The following IRAG1 variants were observed in gnomAD, a reference collection of about 807,000 sequenced individuals.
IRAG1 encodes inositol 1,4,5-triphosphate receptor associated 1.
Under a neutral mutation model 106.2 loss-of-function variants are expected in IRAG1, and 62 were observed. The observed-to-expected ratio is 0.58, with a 90% CI of 0.48 to 0.72. The LOEUF (loss-of-function observed/expected upper bound fraction) is 0.72, where lower values mean the gene tolerates loss of function less well. Ranked by LOEUF, IRAG1 falls within the 30% of genes least tolerant of loss-of-function variation. The pLI is 0.00. For synonymous variants in IRAG1, 462 were observed against 443.9 expected (o/e 1.04, Z -0.51); for missense variants, 1,064 against 1,140.7 (o/e 0.93, Z 0.97).
chr11:10,653,999 C>A (rs1486899678), intron 1 of IRAG1, among the ~76,000 whole-genome samples: 3 of 152,126 alleles, frequency 2.0e-5, no homozygotes, highest in African/African-American at 7.2e-5. Flanking sequence ...GCTGATGGGA[C>A]ATGGTGGGTG....
chr11:10,604,415 G>A lies in IRAG1; in HGVS notation c.1733C>T (p.Ala578Val). The A allele has an allele frequency of 1.9e-6, 3 of 1,614,038 alleles. No homozygotes were observed. The highest frequency in any genetic ancestry group is 2.5e-6 in the Non-Finnish European group (3 of 1,179,890). ...NTEKELENFK[A>V]SITSSASLWH... ...AGGCTCCACAATTACCGTAATGGAA[G>A]CTTTGAAGTTTTCCAGTTCTTTCTC... is the stretch of plus-strand genomic sequence containing the variant. Residue 578 changes from alanine (A) to valine (V), a missense_variant, in exon 13 of 21, where the codon GCT (alanine) becomes GTT (valine). Ala to Val is a moderately conservative substitution (Grantham distance 64, BLOSUM62 0). Transcript: ENST00000423302.
chr11:10,677,626 T>G (rs919853359), intron 1 of IRAG1, among the ~76,000 whole-genome samples: 3 of 152,220 alleles, frequency 2.0e-5, no homozygotes, highest in Admixed American at 6.5e-5. Context: ...ATAAAATATG[T>G]GTGACATATG....
intron 2 of IRAG1, among the ~76,000 whole-genome samples, chr11:10,637,988 C>T (rs1857261284): frequency 6.6e-6 from 1 of 152,142 alleles, no homozygotes; most frequent in Non-Finnish European, 1.5e-5. Context: ...TGAAGTCTTT[C>T]CAGAGGAATC....
chr11:10,691,678 T>G (rs554466097), intron 1 of IRAG1, among the ~76,000 whole-genome samples: 1 of 149,942 alleles, frequency 6.7e-6, no homozygotes, highest in South Asian at 2.1e-4. Flanking sequence ...CCTGGAGCAG[T>G]AAGGTAAAGA....
intron 1 of IRAG1, among the ~76,000 whole-genome samples, chr11:10,684,296 T>C (rs1232231657): frequency 6.6e-6 from 1 of 152,314 alleles, no homozygotes; most frequent in African/African-American, 2.4e-5. Flanking sequence ...GATGAGTTCA[T>C]GTCCTTTGTA....
chr11:10,629,614 T>TTC lies in IRAG1; in HGVS notation c.496_497dup (p.Ala167LysfsTer5). The TTC allele has an allele frequency of 3.1e-6, 5 of 1,614,018 alleles. No individual in the cohort carries two copies. Among genetic ancestry groups the TTC allele is most frequent in the Non-Finnish European group, 4.2e-6 (5 of 1,179,888 alleles). On this transcript the variant is annotated frameshift_variant, in exon 5 of 21. Coordinates refer to ENST00000423302, the MANE Select transcript of IRAG1 (RefSeq NM_130385.4). LOFTEE classifies it high-confidence loss of function. ...GGAATCGCTCACTCACCAACTTGGC[T>TTC]TCTTCCAGCAGCGCCAGGTTTTTCT... is the stretch of plus-strand genomic sequence containing the variant.
At chr11:10,610,464 C>A (rs921542462) in intron 10 of IRAG1, among the ~76,000 whole-genome samples, 1 of 152,168 alleles carries the variant, frequency 6.6e-6, no homozygotes. Flanking sequence ...TGGGTCTGTG[C>A]TTTGAAGACA....
intron 15 of IRAG1, among the ~76,000 whole-genome samples, chr11:10,596,214 G>A (rs1327820556): frequency 1.3e-5 from 2 of 152,088 alleles, no homozygotes. Context: ...TCCTCTAGTT[G>A]TTCTTTCAGC....
chr11:10,638,807 A>C (rs1182244315), intron 2 of IRAG1, among the ~76,000 whole-genome samples: 2 of 152,168 alleles, frequency 1.3e-5, no homozygotes, highest in Non-Finnish European at 2.9e-5. Flanking sequence ...AGCTAATTCC[A>C]TGTTGTATTC....
intron 2 of IRAG1, 41 bp from the exon 3 acceptor site, chr11:10,634,112 G>A: frequency 1.5e-6 from 2 of 1,314,152 alleles, no homozygotes; most frequent in South Asian, 1.3e-5. Context: ...GGCTTGGGCT[G>A]GTGGGACTTC....
chr11:10,676,144 T>C (rs1037960931), intron 1 of IRAG1, among the ~76,000 whole-genome samples: 2 of 152,252 alleles, frequency 1.3e-5, no homozygotes, highest in African/African-American at 4.8e-5. Flanking sequence ...TACTGCCTCT[T>C]AGTGGCTTCG....
At chr11:10,688,992 G>A (rs767078384) in intron 1 of IRAG1, among the ~76,000 whole-genome samples, 1 of 152,096 alleles carries the variant, frequency 6.6e-6, no homozygotes, top group Non-Finnish European at 1.5e-5. Context: ...CTGAATGAGC[G>A]ACTGCAGGTA....
At chr11:10,690,340 T>C in intron 1 of IRAG1, 1 of 1,260,188 alleles carries the variant, frequency 7.9e-7, no homozygotes, top group Non-Finnish European at 1.0e-6. Context: ...ACCACTGCAC[T>C]CCAGCCTGGG....
chr11:10,580,358 C>T, intron 20 of IRAG1, 97 bp downstream of exon 20: 3 of 1,541,914 alleles, frequency 1.9e-6, no homozygotes, highest in East Asian at 2.2e-5. Context: ...TCACTGCTGC[C>T]CTGGACTGGC....
At position 10,610,597 on chromosome 11, in the gene IRAG1, G is replaced by C. The variant is rs528027577; in HGVS notation, c.1448-746C>G. Among the ~76,000 whole-genome samples the C allele has an allele frequency of 7.2e-5, 11 of 152,276 alleles. No homozygotes were observed. In the East Asian group the frequency reaches 1.9e-3, roughly 27 times the overall value. ...TCCATTTTTCCAACAAGCTCACTGT[G>C]CTCCACTGTGGCCCATGGTCTCTAG... On this transcript the variant is annotated intron_variant, in intron 10 of 20. Transcript: ENST00000423302.
At chr11:10,642,484 A>AT (rs1410419257) in intron 2 of IRAG1, among the ~76,000 whole-genome samples, 2 of 152,138 alleles carry the variant, frequency 1.3e-5, no homozygotes, top group Non-Finnish European at 2.9e-5. Context: ...TCAGGCAGGC[A>AT]TGGGGGGTTT....
At chr11:10,619,267 G>A (rs1026309090) in intron 10 of IRAG1, among the ~76,000 whole-genome samples, 4 of 152,182 alleles carry the variant, frequency 2.6e-5, no homozygotes, top group Admixed American at 2.6e-4. Context: ...AACTGAAGGA[G>A]AGCCAAAATT....
rs566236649 is a variant in IRAG1 at position 10,583,916 on chromosome 11, G to A, written c.2241-1930C>T. Among the ~76,000 whole-genome samples the A allele has an allele frequency of 2.0e-5, 3 of 152,080 alleles. No individual in the cohort carries two copies. The East Asian group carries it at 5.8e-4, about 29-fold the overall frequency. Reference sequence around the variant, plus strand: ...GCAAGGTCATCTGCTGAGAGTGAGAGGTAGAGGGGTCTAGGAAGGTCTGTG... The same window carrying A: ...GCAAGGTCATCTGCTGAGAGTGAGAAGTAGAGGGGTCTAGGAAGGTCTGTG... On this transcript the variant is annotated intron_variant, in intron 18 of 20. Coordinates refer to ENST00000423302, the MANE Select transcript of IRAG1 (RefSeq NM_130385.4).
rs150578473 is a variant in IRAG1, at chr11:10,645,459, G to T, written c.225+6566C>A. On this transcript the variant is annotated intron_variant, in intron 2 of 20. Transcript: ENST00000423302. ...AGTCATCACTACCATGTACGACTGCGTTCTGAAGGTTAAATGCTAGAAAAC... is the reference window on the plus strand; with the variant it reads ...AGTCATCACTACCATGTACGACTGCTTTCTGAAGGTTAAATGCTAGAAAAC... 4.0e-3 allele frequency among the ~76,000 whole-genome samples: 615 copies of T among 152,308 alleles called. 4 individuals are homozygous for T. Among genetic ancestry groups the T allele is most frequent in the Non-Finnish European group, 5.0e-3 (342 of 68,040 alleles).
Sources: gnomAD v4.1 joint callset for allele counts (sites outside exome capture counted in the v4.1 genomes callset) on GRCh38, gnomAD v4.1.1 for gene constraint, MANE v1.5 for transcripts, NCBI Gene and HGNC (gene_info 2026-07-23, HGNC 2026-07-21) for gene names.